SPATA13: variants seen among roughly 807,000 people sequenced by gnomAD.
The protein encoded by SPATA13 is spermatogenesis associated 13.
A neutral mutation model predicts 104.0 loss-of-function variants in SPATA13; 50 were observed. The ratio of observed to expected loss-of-function variants is 0.48; its 90% confidence interval spans 0.38 to 0.61. The LOEUF (loss-of-function observed/expected upper bound fraction) is 0.61. Ranked by LOEUF, SPATA13 falls within the 20% of genes least tolerant of loss-of-function variation. SPATA13 has a pLI of 0.00. For synonymous variants in SPATA13, 606 were observed against 667.5 expected (o/e 0.91, Z 1.42); for missense variants, 1,524 against 1,690.6 (o/e 0.90, Z 1.73).
intron 3 of SPATA13, among the ~76,000 whole-genome samples, chr13:24,093,403 C>T (rs141478961): frequency 1.8e-4 from 28 of 152,270 alleles, no homozygotes; most frequent in East Asian, 1.7e-3. Flanking sequence ...TAAAAGAGGA[C>T]GTATGGTTAG....
intron 3 of SPATA13, among the ~76,000 whole-genome samples, chr13:24,093,183 C>T (rs953693113): frequency 1.3e-5 from 2 of 152,230 alleles, no homozygotes; most frequent in African/African-American, 4.8e-5. Context: ...GCCTGAGAGA[C>T]ATCAGTGGGA....
intron 3 of SPATA13, among the ~76,000 whole-genome samples, chr13:24,104,559 C>T (rs1880376249): frequency 6.6e-6 from 1 of 152,158 alleles, no homozygotes; most frequent in Admixed American, 6.6e-5. Flanking sequence ...ACAAGAGCTC[C>T]TCGGAAAGAA....
chr13:24,156,004 T>C (rs995965329), upstream of SPATA13, among the ~76,000 whole-genome samples: 4 of 152,198 alleles, frequency 2.6e-5, no homozygotes, highest in Admixed American at 6.5e-5. Flanking sequence ...TTGCAGCGTG[T>C]GTCGGAATTT....
chr13:24,190,728 T>G (rs1795650600), intron 1 of SPATA13, among the ~76,000 whole-genome samples: 1 of 152,022 alleles, frequency 6.6e-6, no homozygotes, highest in African/African-American at 2.4e-5. Context: ...AGAGAGTGGT[T>G]TCTTGTGACG....
chr13:24,247,815 G>C (rs1873240322), intron 2 of SPATA13, among the ~76,000 whole-genome samples: 1 of 152,110 alleles, frequency 6.6e-6, no homozygotes, highest in Admixed American at 6.5e-5. Context: ...CGTGGCCTCA[G>C]TGAGCATTCA....
Position 24,249,502 on chromosome 13 carries a change from G to A in SPATA13, c.1679G>A (p.Arg560Gln), listed in dbSNP as rs776489046. The A allele has an allele frequency of 5.4e-5, 85 of 1,586,256 alleles. No homozygotes were observed. Among genetic ancestry groups the A allele is most frequent in the Admixed American group, 2.0e-4 (11 of 54,652 alleles). The change falls in exon 3 of 13, where the codon CGA becomes CAA. Residue 560 changes from arginine (R) to glutamine (Q), a missense_variant. Coordinates refer to ENST00000382108, the MANE Select transcript of SPATA13 (RefSeq NM_001166271.3). ...EEVVPDGPWR[R>Q]SSSQDEERTE... The stretch of plus-strand genomic sequence containing the variant: ...GTCGTCCCTGATGGCCCCTGGAGGC[G>A]AAGCTCATCACAGGATGAGGAAAGG...
At chr13:24,123,038 T>C in intron 3 of SPATA13, 1 of 946,868 alleles carries the variant, frequency 1.1e-6, no homozygotes, top group Non-Finnish European at 1.7e-6. Context: ...CTTGGTTAAA[T>C]GTCATTGCCA....
intron 2 of SPATA13, among the ~76,000 whole-genome samples, chr13:24,008,537 T>G (rs1876331173): frequency 6.7e-6 from 1 of 149,102 alleles, no homozygotes; most frequent in African/African-American, 2.5e-5. Context: ...AGATAAGAGG[T>G]AGGGAGCAGG....
intron 1 of SPATA13, among the ~76,000 whole-genome samples, chr13:24,214,314 G>A (rs565390194): frequency 1.3e-5 from 2 of 152,316 alleles, no homozygotes; most frequent in Admixed American, 6.5e-5. Flanking sequence ...ATTGCTTCAC[G>A]TCTTTGGATC....
At chr13:24,127,938 A>G (rs182053067) in intron 3 of SPATA13, among the ~76,000 whole-genome samples, 3 of 152,244 alleles carry the variant, frequency 2.0e-5, no homozygotes, top group African/African-American at 7.2e-5. Context: ...CAGAATGATG[A>G]TGTAATGAAC....
intron 3 of SPATA13, among the ~76,000 whole-genome samples, chr13:24,076,063 G>A (rs1335208235): frequency 1.3e-5 from 2 of 152,062 alleles, no homozygotes; most frequent in Non-Finnish European, 2.9e-5. Context: ...CCTCTCACAC[G>A]GAAACACGTT....
intron 4 of SPATA13, among the ~76,000 whole-genome samples, chr13:24,253,796 C>T (rs1285431929): frequency 6.6e-6 from 1 of 152,002 alleles, no homozygotes; most frequent in Non-Finnish European, 1.5e-5. Context: ...CACCAGAAGC[C>T]CAAAGACAGG....
At chr13:24,166,770 C>T (rs953949624) in intron 1 of SPATA13, among the ~76,000 whole-genome samples, 1 of 152,238 alleles carries the variant, frequency 6.6e-6, no homozygotes, top group African/African-American at 2.4e-5. Context: ...CTCTGAACAG[C>T]TACTCTCCAT....
At chr13:24,127,356 G>A (rs999877366) in intron 3 of SPATA13, among the ~76,000 whole-genome samples, 1 of 152,192 alleles carries the variant, frequency 6.6e-6, no homozygotes, top group African/African-American at 2.4e-5. Context: ...CACCAGCAGG[G>A]AGGAGTTGAC....
chr13:24,274,301 T>C (rs575773875), intron 4 of SPATA13, among the ~76,000 whole-genome samples: 1 of 152,334 alleles, frequency 6.6e-6, no homozygotes, highest in South Asian at 2.1e-4. Context: ...TTTTTCCAGG[T>C]GTCAGAATCA....
chr13:23,997,237 A>G (rs1875737415), intron 2 of SPATA13, among the ~76,000 whole-genome samples: 1 of 152,208 alleles, frequency 6.6e-6, no homozygotes, highest in Admixed American at 6.5e-5. Context: ...TAGAATGCAC[A>G]TATTGAAAGT....
intron 4 of SPATA13, among the ~76,000 whole-genome samples, chr13:24,262,977 C>T (rs991980136): frequency 1.8e-4 from 27 of 152,164 alleles, no homozygotes; most frequent in African/African-American, 6.3e-4. Context: ...AGAAACTTGA[C>T]TGGGTCTTTT....
intron 2 of SPATA13, among the ~76,000 whole-genome samples, chr13:23,992,531 G>C (rs567272831): frequency 3.9e-5 from 6 of 152,272 alleles, no homozygotes; most frequent in Non-Finnish European, 7.3e-5. Context: ...TGAAGGCTTT[G>C]TATCTTTGAT....
chr13:24,071,238 T>C (rs140478195), intron 3 of SPATA13, among the ~76,000 whole-genome samples: 44 of 152,298 alleles, frequency 2.9e-4, no homozygotes, highest in African/African-American at 1.0e-3. Flanking sequence ...GGACTCATAG[T>C]AGACACATTG....
Sources: gnomAD v4.1 joint callset for allele counts (sites outside exome capture counted in the v4.1 genomes callset) on GRCh38, gnomAD v4.1.1 for gene constraint, MANE v1.5 for transcripts, NCBI Gene and HGNC (gene_info 2026-07-23, HGNC 2026-07-21) for gene names.